The following OR3A2 variants were observed in gnomAD, a reference collection of about 807,000 sequenced individuals.
The protein encoded by OR3A2 is olfactory receptor 3A2.
For synonymous variants in OR3A2, 126 were observed against 159.3 expected, an observed-to-expected ratio of 0.79 and a Z score of 1.57; for missense variants, 318 against 392.8, an observed-to-expected ratio of 0.81 and a Z score of 1.61.
At chr17:3,363,513 C>T (rs149480040) in intron 2 of OR3A2, among the ~76,000 whole-genome samples, 33 of 151,844 alleles carry the variant, frequency 2.2e-4, no homozygotes, top group Admixed American at 1.2e-3. Flanking sequence ...GTCAGCATTT[C>T]GGTCACAATC....
At chr17:3,367,593 G>C (rs965911582) in intron 2 of OR3A2, among the ~76,000 whole-genome samples, 1 of 90,210 alleles carries the variant, frequency 1.1e-5, no homozygotes, top group African/African-American at 5.0e-5. Flanking sequence ...GTATATGTGT[G>C]TGTGTGTGTA....
intron 3 of OR3A2, among the ~76,000 whole-genome samples, chr17:3,293,123 T>G (rs1230658093): frequency 6.7e-6 from 1 of 150,184 alleles, no homozygotes; most frequent in Non-Finnish European, 1.5e-5. Context: ...AATCCATGAC[T>G]GTATAAGAGT....
chr17:3,350,189 G>A (rs2049407338), intron 2 of OR3A2, among the ~76,000 whole-genome samples: 1 of 151,758 alleles, frequency 6.6e-6, no homozygotes, highest in Non-Finnish European at 1.5e-5. Flanking sequence ...AATCAGAGCA[G>A]AACTGAAGGA....
chr17:3,290,893 T>C (rs1008037292), intron 3 of OR3A2: 8 of 152,260 alleles, frequency 5.3e-5, no homozygotes, highest in African/African-American at 1.9e-4. Context: ...GCTTAGATTA[T>C]AAATTCTTAT....
At chr17:3,347,262 A>G (rs1243744949) in intron 2 of OR3A2, among the ~76,000 whole-genome samples, 1 of 150,824 alleles carries the variant, frequency 6.6e-6, no homozygotes, top group Non-Finnish European at 1.5e-5. Flanking sequence ...TCATTATTAT[A>G]CTTTAAGTTT....
At chr17:3,325,112 C>T (rs1744688656) in intron 3 of OR3A2, among the ~76,000 whole-genome samples, 1 of 149,048 alleles carries the variant, frequency 6.7e-6, no homozygotes, top group Non-Finnish European at 1.5e-5. Flanking sequence ...ATGTTTTATA[C>T]TTTCATATTC....
At chr17:3,347,112 C>G (rs2049371400) in intron 2 of OR3A2, among the ~76,000 whole-genome samples, 1 of 152,136 alleles carries the variant, frequency 6.6e-6, no homozygotes, top group Non-Finnish European at 1.5e-5. Context: ...GAGGAACCTC[C>G]AAGCTGTTCT....
chr17:3,340,030 T>A (rs752067755), intron 2 of OR3A2, among the ~76,000 whole-genome samples: 9 of 152,224 alleles, frequency 5.9e-5, no homozygotes, highest in Non-Finnish European at 1.2e-4. Flanking sequence ...AATTTATCCA[T>A]TTCTTCTAGA....
intron 1 of OR3A2, among the ~76,000 whole-genome samples, chr17:3,281,725 C>T (rs907992236): frequency 9.2e-5 from 14 of 152,142 alleles, no homozygotes; most frequent in African/African-American, 2.4e-4. Flanking sequence ...AAATGACACA[C>T]AGAAAAGTTA....
At chr17:3,289,091 G>A (rs1393911085), upstream of OR3A2, among the ~76,000 whole-genome samples, 2 of 150,048 alleles carry the variant, frequency 1.3e-5, no homozygotes, top group African/African-American at 2.5e-5. Context: ...TTGAATGTGG[G>A]TGTGTTTGTG....
At position 3,345,464 on chromosome 17, in the gene OR3A2, T is replaced by A. The variant is rs374734845; in HGVS notation, c.-178-9338A>T. ...ATAGAGACAGAGAGAGAGACCAAAATAAGAAACGAAACAACACAGAGGGCA... is the reference window on the plus strand; with the variant it reads ...ATAGAGACAGAGAGAGAGACCAAAAAAAGAAACGAAACAACACAGAGGGCA... On this transcript the variant is annotated intron_variant, in intron 2 of 4. Coordinates refer to the OR3A2 transcript ENST00000573491. 6.8e-3 allele frequency among the ~76,000 whole-genome samples: 1,025 copies of A among 149,834 alleles called. 9 individuals are homozygous for A. The highest frequency in any genetic ancestry group is 0.027 in the Middle Eastern group (8 of 292).
intron 3 of OR3A2, among the ~76,000 whole-genome samples, chr17:3,335,304 A>G (rs763351799): frequency 2.0e-5 from 3 of 152,180 alleles, no homozygotes; most frequent in Non-Finnish European, 4.4e-5. Context: ...AAAAATGTTT[A>G]TGCAGTCAAA....
chr17:3,300,895 A>C (rs576043816), intron 3 of OR3A2, among the ~76,000 whole-genome samples: 4,005 of 138,406 alleles, frequency 0.029, 66 homozygotes, highest in Non-Finnish European at 0.04. Flanking sequence ...CCTGTGTCCA[A>C]GTGTTCTCAT....
At chr17:3,323,938 T>C (rs1482816699) in intron 3 of OR3A2, among the ~76,000 whole-genome samples, 5 of 152,120 alleles carry the variant, frequency 3.3e-5, no homozygotes, top group Non-Finnish European at 5.9e-5. Context: ...TCCTGGATAA[T>C]ATCCTGCACA....
chr17:3,324,173 G>A lies in OR3A2; in HGVS notation c.-85+11860C>T, dbSNP rs187691404. Among the ~76,000 whole-genome samples the A allele has an allele frequency of 6.3e-3, 964 of 151,902 alleles. 11 individuals carry two copies. The highest frequency in any genetic ancestry group is 0.02 in the Middle Eastern group (6 of 294). Reference sequence around the variant, plus strand: ...ATCGGCTACTGAGGCTTCTGCATTCGTCACGTAGTTCTCGTGCCTTGGTTT... The same window carrying A: ...ATCGGCTACTGAGGCTTCTGCATTCATCACGTAGTTCTCGTGCCTTGGTTT... On this transcript the variant is annotated intron_variant, in intron 3 of 4. Coordinates refer to the OR3A2 transcript ENST00000573491.
chr17:3,365,867 G>GA (rs1165804216), intron 2 of OR3A2, among the ~76,000 whole-genome samples: 3 of 152,158 alleles, frequency 2.0e-5, no homozygotes, highest in African/African-American at 7.2e-5. Flanking sequence ...AAAATTTTTG[G>GA]AAATGCCTGG....
intron 2 of OR3A2, among the ~76,000 whole-genome samples, chr17:3,363,576 T>A (rs1567568609): frequency 6.6e-6 from 1 of 151,778 alleles, no homozygotes; most frequent in Non-Finnish European, 1.5e-5. Context: ...CCTGTCTTCT[T>A]CTGAGCCCTC....
Position 3,372,572 on chromosome 17 carries a change from G to A in OR3A2, c.-179+11232C>T, listed in dbSNP as rs867122114. ...TGAACGAGACTCCGTCTGCAATCCC[G>A]GCACCTCGGGAGGCCGAGGCTGGCG... On this transcript the variant is annotated intron_variant, in intron 2 of 4. Coordinates refer to the OR3A2 transcript ENST00000573491. 4.6e-5 allele frequency among the ~76,000 whole-genome samples: 7 copies of A among 151,946 alleles called. No homozygotes were observed. In the East Asian group the frequency reaches 5.8e-4, roughly 13 times the overall value.
intron 2 of OR3A2, among the ~76,000 whole-genome samples, chr17:3,352,691 A>G (rs1016533209): frequency 6.6e-6 from 1 of 151,946 alleles, no homozygotes; most frequent in Non-Finnish European, 1.5e-5. Context: ...TAATTCTTCC[A>G]GTTTTGTTCT....
Sources: gnomAD v4.1 joint callset for allele counts (sites outside exome capture counted in the v4.1 genomes callset) on GRCh38, gnomAD v4.1.1 for gene constraint, MANE v1.5 for transcripts, NCBI Gene and HGNC (gene_info 2026-07-23, HGNC 2026-07-21) for gene names.